The following ZCCHC4 variants were observed in gnomAD, a reference collection of about 807,000 sequenced individuals.
The protein encoded by ZCCHC4 is zinc finger CCHC-type containing 4.
In ZCCHC4, 54 loss-of-function variants were observed where a neutral mutation model predicts 67.7. The observed-to-expected ratio is 0.80, with a 90% CI of 0.64 to 1.00. ZCCHC4 has a LOEUF of 1.00. Ranked by LOEUF, ZCCHC4 falls within the 50% of genes least tolerant of loss-of-function variation. The pLI is 0.00. For synonymous variants in ZCCHC4, 198 were observed against 213.5 expected (o/e 0.93, Z 0.63); for missense variants, 609 against 617.0 (o/e 0.99, Z 0.14).
chr4:25,331,586 C>T (rs956338137), intron 3 of ZCCHC4, among the ~76,000 whole-genome samples: 4 of 152,158 alleles, frequency 2.6e-5, no homozygotes, highest in Admixed American at 2.0e-4. Context: ...GGATTTCAGG[C>T]GTGAGCCACT....
In ZCCHC4 at chr4:25,368,543, A is replaced by G. The variant is rs1721031162; in HGVS notation, c.1407-486A>G. Among the ~76,000 whole-genome samples, 3 of 152,188 alleles carry G rather than the reference A, an allele frequency of 2.0e-5. No individual in the cohort carries two copies. In the South Asian group the frequency reaches 6.2e-4, roughly 32 times the overall value. ...GACTTTTAGATCCGCTGAGGAAAGGAAAATCTGTACGACTTAGGAAACAGG... is the reference window on the plus strand; with the variant it reads ...GACTTTTAGATCCGCTGAGGAAAGGGAAATCTGTACGACTTAGGAAACAGG... On this transcript the variant is annotated intron_variant, in intron 12 of 12. Transcript: ENST00000302874.
intron 5 of ZCCHC4, among the ~76,000 whole-genome samples, chr4:25,342,183 A>G (rs1719786254): frequency 2.6e-5 from 4 of 152,162 alleles, no homozygotes. Flanking sequence ...AGTTGCTGGA[A>G]TGCTCTGAGG....
intron 3 of ZCCHC4, among the ~76,000 whole-genome samples, chr4:25,328,263 G>A (rs1224952978): frequency 2.0e-5 from 3 of 151,284 alleles, no homozygotes; most frequent in South Asian, 2.1e-4. Context: ...TTTCCAAGAC[G>A]GAGTCTCACT....
In ZCCHC4 at chr4:25,364,918, C is replaced by T. The variant is rs899350232; in HGVS notation, c.1262-104C>T. 6.7e-6 allele frequency: 10 copies of T among 1,493,018 alleles called. No homozygotes were observed. In the South Asian group the frequency reaches 1.1e-4, roughly 16 times the overall value. The allele number at this position is 1,493,018 out of a possible 1,614,324, so 92.5% of individuals were successfully genotyped here. A position where few individuals can be genotyped will look rare whatever the true frequency, so the allele number is the denominator to read the frequency against. The stretch of plus-strand genomic sequence containing the variant: ...TAAAACTAGCTGTGCAAACTGGCCA[C>T]AATACTTCAAGTAAACACTGTTCGT... On this transcript the variant is annotated intron_variant, in intron 11 of 12. Coordinates refer to ENST00000302874, the MANE Select transcript of ZCCHC4 (RefSeq NM_024936.3).
At chr4:25,340,657 A>G (rs528814021) in intron 5 of ZCCHC4, among the ~76,000 whole-genome samples, 27 of 152,100 alleles carry the variant, frequency 1.8e-4, no homozygotes, top group Middle Eastern at 3.4e-3. Flanking sequence ...TAGATCTTCA[A>G]TTTCTTTAAA....
chr4:25,317,008 A>G (rs1718298406), intron 3 of ZCCHC4, among the ~76,000 whole-genome samples: 1 of 152,226 alleles, frequency 6.6e-6, no homozygotes. Context: ...GGTGGATTAG[A>G]GTTGAGTCAT....
intron 12 of ZCCHC4, chr4:25,366,158 AT>A (rs906164079): frequency 2.3e-5 from 23 of 980,918 alleles, no homozygotes; most frequent in Non-Finnish European, 2.7e-5. Flanking sequence ...GTCAGTGAAA[AT>A]TTTTTTTTCC....
At chr4:25,319,611 A>G (rs1001164392) in intron 3 of ZCCHC4, among the ~76,000 whole-genome samples, 1 of 152,144 alleles carries the variant, frequency 6.6e-6, no homozygotes, top group Non-Finnish European at 1.5e-5. Context: ...GAAATCAGTC[A>G]TTCTGAAAAT....
At chr4:25,319,262 G>A (rs1050462786) in intron 3 of ZCCHC4, among the ~76,000 whole-genome samples, 1 of 152,126 alleles carries the variant, frequency 6.6e-6, no homozygotes, top group African/African-American at 2.4e-5. Flanking sequence ...GCGGGCGCCT[G>A]TAGTCCCAGC....
chr4:25,363,716 T>C (rs960163567), intron 10 of ZCCHC4, among the ~76,000 whole-genome samples: 5 of 152,248 alleles, frequency 3.3e-5, no homozygotes, highest in African/African-American at 1.2e-4. Context: ...ATGTGTATTC[T>C]TCATTTTAAA....
chr4:25,316,793 A>G (rs9990598), intron 3 of ZCCHC4, among the ~76,000 whole-genome samples: 79,384 of 151,946 alleles, frequency 0.52, 21,980 homozygotes, highest in Non-Finnish European at 0.61. Context: ...GTCCTTTGAA[A>G]CACAAGAGTT....
chr4:25,364,930 T>TTCGTATATCCTACCTTA (rs1720883501), intron 11 of ZCCHC4, 92 bp from the exon 12 acceptor site: 5 of 1,544,806 alleles, frequency 3.2e-6, no homozygotes, highest in Non-Finnish European at 3.5e-6. Context: ...ATACTTCAAG[T>TTCGTATATCCTACCTTA]AAACACTGTT....
At chr4:25,328,407 T>G (rs560694623) in intron 3 of ZCCHC4, among the ~76,000 whole-genome samples, 1 of 152,202 alleles carries the variant, frequency 6.6e-6, no homozygotes, top group South Asian at 2.1e-4. Flanking sequence ...GCCCAGCTAA[T>G]TTTTGTATTT....
rs535371810 is a variant in ZCCHC4 at position 25,346,867 on chromosome 4, G to A, written c.759+1247G>A. On this transcript the variant is annotated intron_variant, in intron 6 of 12. Transcript: ENST00000302874. ...TTGCCAGTGGATGATGAGGGGCTTC[G>A]CAGCTGGGACAGTGGCAGTGAGAAA... Among the ~76,000 whole-genome samples the A allele has an allele frequency of 2.7e-4, 41 of 152,296 alleles. 1 individual carries two copies. In the South Asian group the frequency reaches 8.3e-3, roughly 31 times the overall value.
chr4:25,362,160 A>G lies in ZCCHC4; in HGVS notation c.1134-66A>G, dbSNP rs2109092642. On this transcript the variant is annotated intron_variant, in intron 9 of 12. Coordinates refer to ENST00000302874, the MANE Select transcript of ZCCHC4 (RefSeq NM_024936.3). ...CCAGTTTTTGTAATGAGTGCTTTGTAAAGTTTTATCTACTCTGTAAATCTC... is the reference window on the plus strand; with the variant it reads ...CCAGTTTTTGTAATGAGTGCTTTGTGAAGTTTTATCTACTCTGTAAATCTC... The G allele has an allele frequency of 2.8e-5, 42 of 1,500,000 alleles. 3 individuals are homozygous for G. The South Asian group carries it at 4.9e-4, about 18-fold the overall frequency. The allele number at this position is 1,500,000 out of a possible 1,614,324, so 92.9% of individuals were successfully genotyped here.
intron 3 of ZCCHC4, among the ~76,000 whole-genome samples, chr4:25,326,893 A>C (rs529061682): frequency 6.6e-6 from 1 of 152,256 alleles, no homozygotes; most frequent in South Asian, 2.1e-4. Context: ...TTTTCAGTGC[A>C]CTGCAGTTAC....
intron 3 of ZCCHC4, 72 bp downstream of exon 3, chr4:25,315,472 T>C: frequency 8.7e-7 from 1 of 1,146,042 alleles, no homozygotes; most frequent in Non-Finnish European, 1.2e-6. Context: ...TTTCTGTGCC[T>C]TTAAGTTTAC....
chr4:25,327,226 G>A (rs754395228), intron 3 of ZCCHC4, among the ~76,000 whole-genome samples: 3 of 152,198 alleles, frequency 2.0e-5, no homozygotes, highest in Non-Finnish European at 4.4e-5. Flanking sequence ...AGTCAATGTC[G>A]AGTAGAAGGC....
At chr4:25,368,604 G>GT (rs1721034017) in intron 12 of ZCCHC4, among the ~76,000 whole-genome samples, 1 of 152,084 alleles carries the variant, frequency 6.6e-6, no homozygotes, top group Non-Finnish European at 1.5e-5. Flanking sequence ...CCATTGTGCT[G>GT]TTTCATTTTT....
Sources: allele counts gnomAD v4.1 joint callset (sites outside exome capture counted in the v4.1 genomes callset), GRCh38; gene constraint gnomAD v4.1.1; transcripts MANE v1.5; gene names NCBI Gene and HGNC (gene_info 2026-07-23, HGNC 2026-07-21).